Variants in RBFOX1 observed in about 807,000 individuals in gnomAD.
RBFOX1 encodes the protein RNA binding protein fox-1 homolog 1.
A neutral mutation model predicts 57.7 loss-of-function variants in RBFOX1; 8 were observed. That is an observed-to-expected ratio of 0.14 (90% CI 0.08 to 0.25). RBFOX1 has a LOEUF of 0.25. Ranked by LOEUF, RBFOX1 falls within the 10% of genes least tolerant of loss-of-function variation. The probability of loss-of-function intolerance (pLI) is 1.00; values close to 1 mark genes in which losing one functional copy is unlikely to be tolerated. For synonymous variants in RBFOX1, 326 were observed against 222.4 expected, an observed-to-expected ratio of 1.47 and a Z score of -4.15; for missense variants, 611 against 548.5, an observed-to-expected ratio of 1.11 and a Z score of -1.14.
At chr16:7,175,525 C>G (rs983617303) in intron 4 of RBFOX1, among the ~76,000 whole-genome samples, 1 of 152,128 alleles carries the variant, frequency 6.6e-6, no homozygotes, top group African/African-American at 2.4e-5. Flanking sequence ...AGCCTATGGG[C>G]TGGTTGTGTG....
chr16:6,896,145 T>G (rs1410634358), intron 3 of RBFOX1, among the ~76,000 whole-genome samples: 1 of 152,052 alleles, frequency 6.6e-6, no homozygotes, highest in African/African-American at 2.4e-5. Flanking sequence ...TGGTGGTGGG[T>G]GTCTGTAATC....
At chr16:5,806,772 C>T (rs529952580) in intron 3 of RBFOX1, among the ~76,000 whole-genome samples, 90 of 152,342 alleles carry the variant, frequency 5.9e-4, no homozygotes, top group African/African-American at 2.1e-3. Context: ...CTAATTAGCA[C>T]AGAGGTGACT....
intron 4 of RBFOX1, among the ~76,000 whole-genome samples, chr16:7,062,944 A>G (rs1196328592): frequency 1.3e-4 from 10 of 75,556 alleles, no homozygotes; most frequent in Admixed American, 3.5e-4. Flanking sequence ...AGTTAGTCAG[A>G]CCTATTCCTT....
chr16:7,675,412 A>C (rs577313218), intron 13 of RBFOX1, among the ~76,000 whole-genome samples: 526 of 152,018 alleles, frequency 3.5e-3, no homozygotes, highest in South Asian at 7.1e-3. Context: ...GGGAAACAAA[A>C]AAAAAAAAAA....
At chr16:6,331,959 C>G (rs145278209) in intron 2 of RBFOX1, among the ~76,000 whole-genome samples, 1 of 152,072 alleles carries the variant, frequency 6.6e-6, no homozygotes, top group Non-Finnish European at 1.5e-5. Flanking sequence ...GGCTGACATT[C>G]TTAATAGTTC....
At chr16:6,491,539 C>T (rs767294533) in intron 2 of RBFOX1, among the ~76,000 whole-genome samples, 7 of 152,156 alleles carry the variant, frequency 4.6e-5, no homozygotes, top group Non-Finnish European at 8.8e-5. Context: ...TTGTAATGTA[C>T]TAGCTAATTG....
At chr16:6,568,388 T>C (rs536611515) in intron 2 of RBFOX1, among the ~76,000 whole-genome samples, 1 of 152,208 alleles carries the variant, frequency 6.6e-6, no homozygotes, top group East Asian at 1.9e-4. Flanking sequence ...CCTGGAGACA[T>C]GGCGGATGGC....
intron 5 of RBFOX1, among the ~76,000 whole-genome samples, chr16:7,570,573 A>C (rs2092671503): frequency 6.6e-6 from 1 of 152,192 alleles, no homozygotes; most frequent in Admixed American, 6.5e-5. Flanking sequence ...AAGGATGTAC[A>C]TAGCTGGACT....
At position 5,453,517 on chromosome 16, in the gene RBFOX1, G is replaced by A. The variant is rs930484291; in HGVS notation, c.220-13699G>A. Among the ~76,000 whole-genome samples the A allele has an allele frequency of 2.6e-5, 4 of 152,104 alleles. 1 individual carries two copies. The South Asian group carries it at 8.3e-4, about 32-fold the overall frequency. On this transcript the variant is annotated intron_variant, in intron 1 of 2. Transcript: ENST00000585867. The stretch of plus-strand genomic sequence containing the variant: ...CTCTTCATCAACAATTCATGCTCTG[G>A]TGTAAGGAAATGACCCCACATGGGT...
At chr16:5,350,111 T>G (rs2065230494) in intron 1 of RBFOX1, among the ~76,000 whole-genome samples, 1 of 152,086 alleles carries the variant, frequency 6.6e-6, no homozygotes, top group East Asian at 1.9e-4. Flanking sequence ...TCAAGAAAAA[T>G]AATTTTTTCA....
chr16:6,946,094 C>G (rs1016040032), intron 3 of RBFOX1, among the ~76,000 whole-genome samples: 9 of 152,192 alleles, frequency 5.9e-5, no homozygotes, highest in Admixed American at 3.3e-4. Context: ...CAATGGGTAA[C>G]TCAGGATTTG....
At chr16:7,678,134 C>G (rs1420327574) in intron 14 of RBFOX1, among the ~76,000 whole-genome samples, 1 of 152,168 alleles carries the variant, frequency 6.6e-6, no homozygotes, top group African/African-American at 2.4e-5. Flanking sequence ...GTATCATTTT[C>G]TTATAAGCAG....
At chr16:7,053,427 T>G (rs543160837) in intron 4 of RBFOX1, among the ~76,000 whole-genome samples, 2 of 152,342 alleles carry the variant, frequency 1.3e-5, no homozygotes, top group African/African-American at 4.8e-5. Flanking sequence ...TGGTTCATCC[T>G]GTTAAATAAT....
intron 4 of RBFOX1, among the ~76,000 whole-genome samples, chr16:7,098,548 C>G (rs949947628): frequency 1.3e-5 from 2 of 152,202 alleles, no homozygotes; most frequent in African/African-American, 2.4e-5. Context: ...AAATGTAACA[C>G]ACACACATCA....
chr16:6,180,821 C>T (rs1598125295), intron 1 of RBFOX1, among the ~76,000 whole-genome samples: 1 of 152,166 alleles, frequency 6.6e-6, no homozygotes, highest in Non-Finnish European at 1.5e-5. Flanking sequence ...CTGCCTCGGC[C>T]TCCCAACATG....
chr16:7,093,502 C>A (rs1277089726), intron 4 of RBFOX1, among the ~76,000 whole-genome samples: 2 of 152,200 alleles, frequency 1.3e-5, no homozygotes, highest in Non-Finnish European at 2.9e-5. Flanking sequence ...TTCCCAGCAT[C>A]TTTAAGTCAG....
At chr16:7,044,971 G>C (rs557284943) in intron 3 of RBFOX1, among the ~76,000 whole-genome samples, 1 of 152,194 alleles carries the variant, frequency 6.6e-6, no homozygotes, top group South Asian at 2.1e-4. Context: ...CCCTGTTTGG[G>C]GTGCTGTTTG....
At chr16:6,651,378 A>C (rs1602757514) in intron 2 of RBFOX1, among the ~76,000 whole-genome samples, 1 of 94,382 alleles carries the variant, frequency 1.1e-5, no homozygotes, top group Non-Finnish European at 2.4e-5. Flanking sequence ...GCCTCTGACT[A>C]CTTCTCTCCC....
chr16:7,207,210 G>T (rs1255914107), intron 4 of RBFOX1, among the ~76,000 whole-genome samples: 1 of 152,200 alleles, frequency 6.6e-6, no homozygotes, highest in Non-Finnish European at 1.5e-5. Flanking sequence ...TTCCGTAGCT[G>T]CTCATTTTTA....
Sources: gnomAD v4.1 joint callset for allele counts (sites outside exome capture counted in the v4.1 genomes callset) on GRCh38, gnomAD v4.1.1 for gene constraint, MANE v1.5 for transcripts, NCBI Gene and HGNC (gene_info 2026-07-23, HGNC 2026-07-21) for gene names.